Variants in ZNF438 observed in about 807,000 individuals in gnomAD.
The protein encoded by ZNF438 is zinc finger protein 438.
A neutral mutation model predicts 38.0 loss-of-function variants in ZNF438; 25 were observed. The observed-to-expected ratio is 0.66, with a 90% CI of 0.48 to 0.92. The LOEUF (loss-of-function observed/expected upper bound fraction) is 0.92. ZNF438 is among the 40% of genes least tolerant of loss of function. The pLI, the probability that ZNF438 is intolerant of heterozygous loss-of-function variation, is 0.00. For missense variants in ZNF438, 1,007 were observed against 999.6 expected (o/e 1.01, Z -0.10); for synonymous variants, 372 against 364.1 (o/e 1.02, Z -0.25).
intron 1 of ZNF438, among the ~76,000 whole-genome samples, chr10:30,986,026 C>G (rs1486070668): frequency 6.6e-6 from 1 of 152,082 alleles, no homozygotes; most frequent in Non-Finnish European, 1.5e-5. Flanking sequence ...TTACAATTGC[C>G]TACGAATTCA....
At chr10:30,856,415 G>C (rs937772230) in intron 4 of ZNF438, among the ~76,000 whole-genome samples, 1 of 152,162 alleles carries the variant, frequency 6.6e-6, no homozygotes, top group Non-Finnish European at 1.5e-5. Context: ...CTGAACAACA[G>C]GAGTCCTTAC....
At chr10:30,914,805 G>C (rs1429446305) in intron 2 of ZNF438, among the ~76,000 whole-genome samples, 1 of 151,732 alleles carries the variant, frequency 6.6e-6, no homozygotes, top group East Asian at 1.9e-4. Context: ...AATGTCTTGA[G>C]GTTGTAATGA....
At chr10:30,990,514 T>C (rs1405990068) in intron 1 of ZNF438, among the ~76,000 whole-genome samples, 2 of 152,196 alleles carry the variant, frequency 1.3e-5, no homozygotes, top group South Asian at 2.1e-4. Context: ...GGTTTGGGCA[T>C]AGGACCCAGT....
intron 4 of ZNF438, among the ~76,000 whole-genome samples, chr10:30,876,288 T>C (rs1588947258): frequency 1.3e-5 from 2 of 152,258 alleles, no homozygotes; most frequent in South Asian, 4.2e-4. Flanking sequence ...TTTTTTCTCA[T>C]ACATGTCAGA....
intron 4 of ZNF438, among the ~76,000 whole-genome samples, chr10:30,861,570 TA>T (rs2035586139): frequency 6.6e-6 from 1 of 152,244 alleles, no homozygotes; most frequent in Non-Finnish European, 1.5e-5. Context: ...TTCAGGGCCA[TA>T]TAGTTAATGT....
intron 4 of ZNF438, among the ~76,000 whole-genome samples, chr10:30,864,749 T>C (rs2036152139): frequency 6.6e-6 from 1 of 152,186 alleles, no homozygotes; most frequent in African/African-American, 2.4e-5. Flanking sequence ...TCTCCTTCCT[T>C]TTCTTCCTGA....
chr10:30,998,540 C>CAAAAAAAA lies in ZNF438; in HGVS notation c.-192+33285_-192+33292dup, dbSNP rs55838240. On this transcript the variant is annotated intron_variant, in intron 1 of 5. Coordinates refer to ENST00000413025, the Ensembl canonical transcript of ZNF438. ...CCTGGGTGACAGAGAGAGACTGTCT[C>CAAAAAAAA]AAAAAAAAAAAAAAAAAAAAAAAAA... 1.8e-4 allele frequency among the ~76,000 whole-genome samples: 6 copies of CAAAAAAAA among 33,912 alleles called. 1 individual carries two copies. The highest frequency in any genetic ancestry group is 2.9e-4 in the Non-Finnish European group (6 of 20,638). The allele number at this position is 33,912 out of a possible 152,430, so 22.2% of individuals were successfully genotyped here. A position where few individuals can be genotyped will look rare whatever the true frequency, so the allele number is the denominator to read the frequency against.
At position 30,898,863 on chromosome 10, in the gene ZNF438, A is replaced by C. The variant is rs74136523; in HGVS notation, c.-32+10070T>G. Among the ~76,000 whole-genome samples, 170 of 152,294 alleles carry C rather than the reference A, an allele frequency of 1.1e-3. 1 individual carries two copies. Among genetic ancestry groups the C allele is most frequent in the African/African-American group, 4.0e-3 (167 of 41,578 alleles). On this transcript the variant is annotated intron_variant, in intron 3 of 5. Coordinates refer to ENST00000413025, the Ensembl canonical transcript of ZNF438. ...GATTGCACCTGTATCAATAAGAGGG[A>C]CACCATACGTAATTTCCTATAATTC...
intron 3 of ZNF438, among the ~76,000 whole-genome samples, chr10:30,895,292 A>G (rs1420825565): frequency 1.3e-5 from 2 of 152,236 alleles, no homozygotes; most frequent in Non-Finnish European, 2.9e-5. Flanking sequence ...TGGATGAAGC[A>G]ACACTTCGAG....
intron 1 of ZNF438, among the ~76,000 whole-genome samples, chr10:31,010,142 C>T (rs774345141): frequency 2.0e-5 from 3 of 152,072 alleles, no homozygotes; most frequent in South Asian, 2.1e-4. Context: ...CCACAGTGCC[C>T]GGACTTGTCA....
intron 2 of ZNF438, among the ~76,000 whole-genome samples, chr10:30,926,547 T>G (rs2044949319): frequency 6.6e-6 from 1 of 151,990 alleles, no homozygotes; most frequent in Non-Finnish European, 1.5e-5. Context: ...GTGCCTGTAG[T>G]TCCAGCTACT....
chr10:30,872,966 G>C (rs1280259389), intron 4 of ZNF438, among the ~76,000 whole-genome samples: 1 of 152,290 alleles, frequency 6.6e-6, no homozygotes, highest in Admixed American at 6.5e-5. Context: ...CATTGTCCCT[G>C]TCAGAGAATC....
chr10:30,894,139 G>T (rs2134086599), intron 3 of ZNF438, among the ~76,000 whole-genome samples: 1 of 152,288 alleles, frequency 6.6e-6, no homozygotes, highest in South Asian at 2.1e-4. Flanking sequence ...CTTTGCAGAA[G>T]ATGCTCTACT....
intron 1 of ZNF438, among the ~76,000 whole-genome samples, chr10:30,951,778 T>C (rs1162821490): frequency 1.3e-5 from 2 of 149,448 alleles, no homozygotes; most frequent in Admixed American, 6.7e-5. Context: ...GAACATTCCA[T>C]GCTCATGTGT....
At chr10:30,989,984 T>C (rs1434206446) in intron 1 of ZNF438, among the ~76,000 whole-genome samples, 3 of 152,154 alleles carry the variant, frequency 2.0e-5, no homozygotes, top group African/African-American at 7.2e-5. Flanking sequence ...CTAAGAGAAA[T>C]AGCTGAATCT....
chr10:30,899,977 T>C (rs1489032767), intron 3 of ZNF438, among the ~76,000 whole-genome samples: 1 of 152,218 alleles, frequency 6.6e-6, no homozygotes, highest in East Asian at 1.9e-4. Flanking sequence ...GCATTCACTC[T>C]AATCGACATA....
intron 5 of ZNF438, among the ~76,000 whole-genome samples, chr10:30,846,721 G>A (rs1377580354): frequency 6.6e-6 from 1 of 152,150 alleles, no homozygotes; most frequent in Non-Finnish European, 1.5e-5. Context: ...GAGCGCTCCT[G>A]CCCTCCCAGG....
intron 2 of ZNF438, among the ~76,000 whole-genome samples, chr10:30,936,968 T>C (rs1047511028): frequency 6.6e-6 from 1 of 152,186 alleles, no homozygotes; most frequent in Non-Finnish European, 1.5e-5. Flanking sequence ...TTCTCACCTG[T>C]GGTGAGACTT....
intron 1 of ZNF438, among the ~76,000 whole-genome samples, chr10:30,974,604 G>C (rs2051130047): frequency 6.6e-6 from 1 of 152,186 alleles, no homozygotes; most frequent in African/African-American, 2.4e-5. Flanking sequence ...CTAATACGAA[G>C]TCAGAACATA....
Sources: allele counts gnomAD v4.1 joint callset (sites outside exome capture counted in the v4.1 genomes callset), GRCh38; gene constraint gnomAD v4.1.1; transcripts MANE v1.5; gene names NCBI Gene and HGNC (gene_info 2026-07-23, HGNC 2026-07-21).